The following CEP63 variants were observed in gnomAD, a reference collection of about 807,000 sequenced individuals.
CEP63 encodes the protein centrosomal protein 63, also known as centrosomal protein of 63 kDa.
Under a neutral mutation model 89.1 loss-of-function variants are expected in CEP63, and 84 were observed. That is an observed-to-expected ratio of 0.94 (90% CI 0.79 to 1.13). The LOEUF (loss-of-function observed/expected upper bound fraction) is 1.13. Among genes scored for constraint, CEP63 ranks in the 50% most tolerant of loss-of-function variants. The probability of loss-of-function intolerance (pLI) is 0.00; values close to 1 mark genes in which losing one functional copy is unlikely to be tolerated. For synonymous variants in CEP63, 267 were observed against 272.5 expected (o/e 0.98, Z 0.20); for missense variants, 838 against 813.3 (o/e 1.03, Z -0.37).
At chr3:134,535,085 C>T (rs915384856) in intron 5 of CEP63, among the ~76,000 whole-genome samples, 5 of 152,074 alleles carry the variant, frequency 3.3e-5, no homozygotes, top group African/African-American at 1.2e-4. Flanking sequence ...TACCAGCATC[C>T]AAATTTCCCT....
the CEP63 span, among the ~76,000 whole-genome samples, chr3:134,644,218 A>G: frequency 6.6e-6 from 1 of 152,146 alleles, no homozygotes; most frequent in African/African-American, 2.4e-5. Flanking sequence ...GTTCTGTTTC[A>G]CAAACATTTG....
chr3:134,676,164 A>G, the CEP63 span, among the ~76,000 whole-genome samples: 1 of 152,272 alleles, frequency 6.6e-6, no homozygotes, highest in Non-Finnish European at 1.5e-5. Flanking sequence ...ACAGCTTTAA[A>G]GTGGAAACAA....
At chr3:134,647,092 C>T in the CEP63 span, among the ~76,000 whole-genome samples, 1 of 152,222 alleles carries the variant, frequency 6.6e-6, no homozygotes, top group South Asian at 2.1e-4. Flanking sequence ...TGTTGGGAAA[C>T]ATTTTCAAAA....
At chr3:134,593,806 G>A in the CEP63 span, among the ~76,000 whole-genome samples, 98,044 of 152,146 alleles carry the variant, frequency 0.64, 32,152 homozygotes, top group East Asian at 0.81. Context: ...CTTTAAAAAT[G>A]TCAAGTGAAG....
chr3:134,578,127 C>T (rs780502319), downstream of CEP63, among the ~76,000 whole-genome samples: 11 of 152,018 alleles, frequency 7.2e-5, no homozygotes, highest in Non-Finnish European at 1.0e-4. Flanking sequence ...TTCCTTTGAG[C>T]GTATACCTAG....
intron 2 of CEP63, among the ~76,000 whole-genome samples, chr3:134,505,050 TTCTA>T (rs1943105155): frequency 6.6e-6 from 1 of 152,224 alleles, no homozygotes; most frequent in South Asian, 2.1e-4. Flanking sequence ...CTGTGTTTTC[TTCTA>T]TCTCACTGAG....
At chr3:134,548,453 A>T (rs1201130127) in intron 9 of CEP63, among the ~76,000 whole-genome samples, 1 of 152,008 alleles carries the variant, frequency 6.6e-6, no homozygotes, top group Admixed American at 6.6e-5. Flanking sequence ...TACTTATAGA[A>T]TTTTTTTTGG....
At chr3:134,547,526 GATC>G in intron 9 of CEP63, 54 bp downstream of exon 9, 1 of 1,447,064 alleles carries the variant, frequency 6.9e-7, no homozygotes, top group African/African-American at 1.4e-5. Context: ...ATGAATTTTT[GATC>G]ATCATATTGT....
chr3:134,553,674 T>G (rs1019025450), intron 12 of CEP63: 2 of 152,234 alleles, frequency 1.3e-5, no homozygotes, highest in African/African-American at 4.8e-5. Flanking sequence ...GAAACAGACT[T>G]ATTGCACTGT....
rs1229519640 is a variant in CEP63 at position 134,563,113 on chromosome 3, T to C, written c.*1578T>C. 6.6e-6 allele frequency: 1 copy of C among 152,234 alleles called. No individual in the cohort carries two copies. Among genetic ancestry groups the C allele is most frequent in the Non-Finnish European group, 1.5e-5 (1 of 68,042 alleles). 9.4% of individuals were successfully genotyped at this position (152,234 alleles called of 1,614,324 possible). On this transcript the variant is annotated 3_prime_UTR_variant, in exon 15 of 15. Transcript: ENST00000675561. Reference sequence around the variant, plus strand: ...TATTCTCCCTCTTGCTAAGATTCCATATCAGGACATAGCATTATGTTTGCC... The same window carrying C: ...TATTCTCCCTCTTGCTAAGATTCCACATCAGGACATAGCATTATGTTTGCC...
At chr3:134,662,840 G>C in the CEP63 span, among the ~76,000 whole-genome samples, 1 of 152,210 alleles carries the variant, frequency 6.6e-6, no homozygotes, top group Non-Finnish European at 1.5e-5. Context: ...AGCTATTGGA[G>C]TCTGATGCCA....
chr3:134,578,338 T>TGTTTG (rs1553798199), downstream of CEP63, among the ~76,000 whole-genome samples: 5,599 of 137,834 alleles, frequency 0.041, 166 homozygotes, highest in Non-Finnish European at 0.06. Flanking sequence ...TTTTTTTTTT[T>TGTTTG]TTTTTTTTTG....
the CEP63 span, among the ~76,000 whole-genome samples, chr3:134,692,688 A>C: frequency 6.6e-6 from 1 of 152,280 alleles, no homozygotes; most frequent in Non-Finnish European, 1.5e-5. Flanking sequence ...ACAACTTGAG[A>C]AGCACCAGTT....
the CEP63 span, among the ~76,000 whole-genome samples, chr3:134,596,955 C>T: frequency 6.6e-6 from 1 of 152,170 alleles, no homozygotes; most frequent in East Asian, 1.9e-4. Flanking sequence ...AGGGCTTCCT[C>T]AGGCAGGAAA....
In CEP63 at chr3:134,564,543, AACACAT is replaced by A; in HGVS notation, c.*3010_*3015del. On this transcript the variant is annotated 3_prime_UTR_variant, in exon 15 of 15. Transcript: ENST00000675561. ...TACATCCTCAGTCAGCATGCTGCCT[AACACAT>A]AACAGATCCTAAGCAAATATTGGGT... 6 of 985,466 alleles carry A rather than the reference AACACAT, an allele frequency of 6.1e-6. No homozygotes were observed. Among genetic ancestry groups the A allele is most frequent in the Non-Finnish European group, 7.2e-6 (6 of 829,936 alleles). 61.0% of individuals were successfully genotyped at this position (985,466 alleles called of 1,614,324 possible).
At chr3:134,661,418 C>G in the CEP63 span, among the ~76,000 whole-genome samples, 7 of 152,222 alleles carry the variant, frequency 4.6e-5, no homozygotes, top group African/African-American at 1.7e-4. Flanking sequence ...AATTACGATT[C>G]CTTCATTCCA....
At chr3:134,675,394 T>C in the CEP63 span, among the ~76,000 whole-genome samples, 2 of 152,202 alleles carry the variant, frequency 1.3e-5, no homozygotes, top group East Asian at 1.9e-4. Context: ...AAATGTATGA[T>C]AGACTTAAAT....
chr3:134,673,274 A>T, the CEP63 span, among the ~76,000 whole-genome samples: 1 of 152,128 alleles, frequency 6.6e-6, no homozygotes, highest in Non-Finnish European at 1.5e-5. Context: ...CTCCTCTCTG[A>T]GATCTTCTCC....
intron 3 of CEP63, among the ~76,000 whole-genome samples, chr3:134,517,656 A>G (rs1000591133): frequency 6.6e-6 from 1 of 152,234 alleles, no homozygotes; most frequent in Non-Finnish European, 1.5e-5. Context: ...AGAAAAAGAT[A>G]ACTTGAAAAT....
Sources: allele counts gnomAD v4.1 joint callset (sites outside exome capture counted in the v4.1 genomes callset), GRCh38; gene constraint gnomAD v4.1.1; transcripts MANE v1.5; gene names NCBI Gene and HGNC (gene_info 2026-07-23, HGNC 2026-07-21).